Variants in HECW2 observed in about 807,000 individuals in gnomAD.
HECW2 encodes E3 ubiquitin-protein ligase HECW2.
A neutral mutation model predicts 175.2 loss-of-function variants in HECW2; 61 were observed. The observed-to-expected ratio is 0.35, with a 90% CI of 0.28 to 0.43. HECW2 has a LOEUF of 0.43. Among genes scored for constraint, HECW2 ranks in the 20% least tolerant of loss-of-function variants. The pLI is 1.00. For missense variants in HECW2, 1,524 were observed against 2,000.5 expected (o/e 0.76, Z 4.54); for synonymous variants, 671 against 731.0 (o/e 0.92, Z 1.32).
intron 2 of HECW2, among the ~76,000 whole-genome samples, chr2:196,419,792 G>C (rs1044433594): frequency 1.3e-5 from 2 of 152,044 alleles, no homozygotes; most frequent in African/African-American, 4.8e-5. Flanking sequence ...TTATGAGGTT[G>C]GTATATTAAG....
intron 1 of HECW2, among the ~76,000 whole-genome samples, chr2:196,447,787 T>G (rs4602240): frequency 0.13 from 20,123 of 152,048 alleles, 1,765 homozygotes; most frequent in African/African-American, 0.26. Context: ...GCCAGGGGCA[T>G]TGGCTCACAC....
intron 2 of HECW2, among the ~76,000 whole-genome samples, chr2:196,399,509 C>T (rs934870078): frequency 6.6e-6 from 1 of 152,168 alleles, no homozygotes; most frequent in Non-Finnish European, 1.5e-5. Context: ...ATGAAGAGAA[C>T]AACGATTGCT....
intron 1 of HECW2, among the ~76,000 whole-genome samples, chr2:196,495,405 G>A (rs1687356181): frequency 6.6e-6 from 1 of 152,082 alleles, no homozygotes; most frequent in Non-Finnish European, 1.5e-5. Context: ...CTGGGGGAGA[G>A]GAGGAGGATG....
chr2:196,334,431 G>C lies in HECW2; in HGVS notation c.488C>G (p.Ala163Gly), dbSNP rs1476811751. 1 of 1,606,722 alleles carries C rather than the reference G, an allele frequency of 6.2e-7. No individual in the cohort carries two copies. The highest frequency in any genetic ancestry group is 8.5e-7 in the Non-Finnish European group (1 of 1,176,760). ...TTPCITVKNP[A>G]VMMGAEGMEG... is the part of the protein sequence containing the mutation. Reference sequence around the variant, plus strand: ...GCAGCGAGGGGCACTCACCATCACAGCTGGGTTCTTCACGGTGATGCAGGG... The same window carrying C: ...GCAGCGAGGGGCACTCACCATCACACCTGGGTTCTTCACGGTGATGCAGGG... The change falls in exon 4 of 29, where the codon GCT becomes GGT. Residue 163 changes from alanine to glycine, a missense_variant. Ala to Gly is a moderately conservative substitution (Grantham distance 60). Around this residue, in one of 11 missense-constraint regions of HECW2, gnomAD observed 135 missense variants for 214.6 expected, o/e 0.63. Coordinates refer to ENST00000644978, the MANE Select transcript of HECW2 (RefSeq NM_001348768.2).
intron 21 of HECW2, among the ~76,000 whole-genome samples, chr2:196,235,041 T>C (rs902921707): frequency 6.6e-6 from 1 of 152,170 alleles, no homozygotes. Context: ...GTGATCTTAG[T>C]TGGTGATGAA....
chr2:196,564,195 A>G (rs896907844), intron 1 of HECW2, among the ~76,000 whole-genome samples: 2 of 152,204 alleles, frequency 1.3e-5, no homozygotes, highest in Admixed American at 6.5e-5. Context: ...AGAACATCCT[A>G]TAACTGGTCT....
chr2:196,220,677 A>G (rs975211659), intron 25 of HECW2, 118 bp downstream of exon 25: 3 of 1,119,908 alleles, frequency 2.7e-6, no homozygotes, highest in Non-Finnish European at 2.6e-6. Flanking sequence ...AACTTTTCGC[A>G]TGGAAAGAGC....
intron 6 of HECW2, 138 bp downstream of exon 6, chr2:196,324,842 C>A: frequency 1.7e-6 from 1 of 577,794 alleles, no homozygotes; most frequent in South Asian, 3.8e-5. Context: ...GGGAATAGCT[C>A]ATTCTCATTG....
intron 2 of HECW2, among the ~76,000 whole-genome samples, chr2:196,359,250 C>T (rs543625017): frequency 6.6e-6 from 1 of 152,102 alleles, no homozygotes; most frequent in Non-Finnish European, 1.5e-5. Context: ...GAGATCGATA[C>T]CATCCTGGCC....
At chr2:196,518,404 C>G (rs1160443584) in intron 1 of HECW2, among the ~76,000 whole-genome samples, 2 of 151,904 alleles carry the variant, frequency 1.3e-5, no homozygotes, top group Non-Finnish European at 2.9e-5. Flanking sequence ...GACTGTAATC[C>G]CAGCACTTTG....
At chr2:196,303,156 C>A (rs371950621) in intron 13 of HECW2, among the ~76,000 whole-genome samples, 1 of 152,106 alleles carries the variant, frequency 6.6e-6, no homozygotes, top group Admixed American at 6.5e-5. Flanking sequence ...GCCTTTTCTG[C>A]GTCTATTGAA....
chr2:196,414,038 C>T (rs1424556712), intron 2 of HECW2, among the ~76,000 whole-genome samples: 1 of 152,232 alleles, frequency 6.6e-6, no homozygotes, highest in Non-Finnish European at 1.5e-5. Flanking sequence ...AGCTGTACCC[C>T]ACCAACACAG....
chr2:196,268,821 T>C (rs1403533439), intron 17 of HECW2, among the ~76,000 whole-genome samples: 1 of 152,290 alleles, frequency 6.6e-6, no homozygotes, highest in East Asian at 1.9e-4. Context: ...AGAGGAAGAA[T>C]TTTGTTTGTT....
At chr2:196,346,147 A>C (rs1295593447) in intron 2 of HECW2, among the ~76,000 whole-genome samples, 1 of 152,254 alleles carries the variant, frequency 6.6e-6, no homozygotes, top group African/African-American at 2.4e-5. Context: ...GATAAAAAGC[A>C]ACTGTAAAAA....
Position 196,195,936 on chromosome 2 carries a change from G to C in HECW2, c.*5341C>G, listed in dbSNP as rs192813202. Reference sequence around the variant, plus strand: ...TATTTCCCATCTAGTAGATCAAACTGTGCCTTCATCAGGGAGCATAGCTTT... The same window carrying C: ...TATTTCCCATCTAGTAGATCAAACTCTGCCTTCATCAGGGAGCATAGCTTT... On this transcript the variant is annotated 3_prime_UTR_variant, in exon 29 of 29. Transcript: ENST00000644978. 6.6e-6 allele frequency: 1 copy of C among 152,272 alleles called. No individual in the cohort carries two copies. Among genetic ancestry groups the C allele is most frequent in the East Asian group, 1.9e-4 (1 of 5,188 alleles). 9.4% of individuals were successfully genotyped at this position (152,272 alleles called of 1,614,324 possible).
chr2:196,334,331 T>C, intron 4 of HECW2, 93 bp downstream of exon 4: 2 of 903,330 alleles, frequency 2.2e-6, no homozygotes, highest in Admixed American at 4.9e-5. Flanking sequence ...TTTTTCATTG[T>C]TCCTCATAAC....
chr2:196,411,913 A>G (rs1029248584), intron 2 of HECW2, among the ~76,000 whole-genome samples: 19 of 152,194 alleles, frequency 1.2e-4, no homozygotes, highest in Admixed American at 3.9e-4. Context: ...GGGAGGCTGA[A>G]GCAGGAGAAT....
At position 196,197,165 on chromosome 2, in the gene HECW2, T is replaced by C. The variant is rs760186010; in HGVS notation, c.*4112A>G. On this transcript the variant is annotated 3_prime_UTR_variant, in exon 29 of 29. Coordinates refer to ENST00000644978, the MANE Select transcript of HECW2 (RefSeq NM_001348768.2). ...ACATTCTTCTTATGCATGTTTTTATTATGCAGGGTTACAGATACCTCTTAA... is the reference window on the plus strand; with the variant it reads ...ACATTCTTCTTATGCATGTTTTTATCATGCAGGGTTACAGATACCTCTTAA... 3 of 152,052 alleles carry C rather than the reference T, an allele frequency of 2.0e-5. No homozygotes were observed. Among genetic ancestry groups the C allele is most frequent in the Non-Finnish European group, 4.4e-5 (3 of 67,992 alleles). 9.4% of individuals were successfully genotyped at this position (152,052 alleles called of 1,614,324 possible).
At chr2:196,536,978 G>A (rs1689041898) in intron 1 of HECW2, among the ~76,000 whole-genome samples, 1 of 152,138 alleles carries the variant, frequency 6.6e-6, no homozygotes, top group Admixed American at 6.5e-5. Context: ...AACATACGAG[G>A]CCAGGAAAGA....
Sources: gnomAD v4.1 joint callset for allele counts (sites outside exome capture counted in the v4.1 genomes callset) on GRCh38, gnomAD v4.1.1 for gene constraint, gnomAD v4.1.1 regional missense constraint, MANE v1.5 for transcripts, NCBI Gene and HGNC (gene_info 2026-07-23, HGNC 2026-07-21) for gene names.